The following LRFN2 variants were observed in gnomAD, a reference collection of about 807,000 sequenced individuals.
LRFN2 encodes leucine-rich repeat and fibronectin type-III domain-containing protein 2.
In LRFN2, 18 loss-of-function variants were observed where a neutral mutation model predicts 37.3. That is an observed-to-expected ratio of 0.48 (90% CI 0.33 to 0.72). LRFN2 has a LOEUF of 0.72. Ranked by LOEUF, LRFN2 falls within the 30% of genes least tolerant of loss-of-function variation. The pLI is 0.02. For synonymous variants in LRFN2, 556 were observed against 466.6 expected (o/e 1.19, Z -2.47); for missense variants, 1,006 against 1,060.7 (o/e 0.95, Z 0.72).
intron 1 of LRFN2, among the ~76,000 whole-genome samples, chr6:40,562,541 A>T (rs1198027836): frequency 6.6e-6 from 1 of 152,034 alleles, no homozygotes; most frequent in Non-Finnish European, 1.5e-5. Flanking sequence ...CCACCCAAAA[A>T]CTGGGCCATT....
Position 40,557,988 on chromosome 6 carries a change from G to A in LRFN2, c.-19+28953C>T, listed in dbSNP as rs148318391. 5.0e-3 allele frequency among the ~76,000 whole-genome samples: 758 copies of A among 152,296 alleles called. 6 individuals carry two copies. The highest frequency in any genetic ancestry group is 6.9e-3 in the Non-Finnish European group (470 of 68,030). On this transcript the variant is annotated intron_variant, in intron 1 of 2. Coordinates refer to ENST00000338305, the MANE Select transcript of LRFN2 (RefSeq NM_020737.3). Reference sequence around the variant, plus strand: ...ACCTGGTTTCTAAGTTTTGGGCAAGGATTCGCTTGTCCACTTGCCTGAAAG... The same window carrying A: ...ACCTGGTTTCTAAGTTTTGGGCAAGAATTCGCTTGTCCACTTGCCTGAAAG...
chr6:40,449,433 C>CA (rs1764051673), intron 1 of LRFN2, among the ~76,000 whole-genome samples: 1 of 152,212 alleles, frequency 6.6e-6, no homozygotes, highest in African/African-American at 2.4e-5. Context: ...TAGTTCTAAC[C>CA]AAAGGGTTGT....
intron 1 of LRFN2, among the ~76,000 whole-genome samples, chr6:40,536,468 G>A (rs1003181669): frequency 3.9e-5 from 6 of 152,216 alleles, no homozygotes; most frequent in Admixed American, 1.3e-4. Flanking sequence ...CAGAATGACA[G>A]CAAATGAAGG....
intron 1 of LRFN2, among the ~76,000 whole-genome samples, chr6:40,581,899 A>C (rs1364164968): frequency 6.6e-6 from 1 of 152,186 alleles, no homozygotes; most frequent in Non-Finnish European, 1.5e-5. Context: ...ATTATTCTGA[A>C]GTAGGAACCT....
At chr6:40,454,297 G>A (rs1170920381) in intron 1 of LRFN2, among the ~76,000 whole-genome samples, 1 of 152,166 alleles carries the variant, frequency 6.6e-6, no homozygotes, top group Non-Finnish European at 1.5e-5. Flanking sequence ...ATTCTTGAAA[G>A]ACAATTTGGA....
chr6:40,499,573 C>T (rs1167905555), intron 1 of LRFN2, among the ~76,000 whole-genome samples: 1 of 152,136 alleles, frequency 6.6e-6, no homozygotes, highest in African/African-American at 2.4e-5. Flanking sequence ...GGATTTAGGG[C>T]TTCGCAGGGC....
chr6:40,497,114 C>A (rs1050123771), intron 1 of LRFN2, among the ~76,000 whole-genome samples: 1 of 152,180 alleles, frequency 6.6e-6, no homozygotes, highest in Admixed American at 6.5e-5. Flanking sequence ...TTTATAGCAT[C>A]CCAAAGTGAC....
chr6:40,413,165 C>T (rs186548756), intron 2 of LRFN2, among the ~76,000 whole-genome samples: 18 of 152,290 alleles, frequency 1.2e-4, no homozygotes, highest in Admixed American at 8.5e-4. Flanking sequence ...AGTGATTTAC[C>T]GCTGCCTTTA....
At chr6:40,414,823 G>C (rs1364018300) in intron 2 of LRFN2, among the ~76,000 whole-genome samples, 1 of 152,130 alleles carries the variant, frequency 6.6e-6, no homozygotes, top group African/African-American at 2.4e-5. Flanking sequence ...CACGGCCCTG[G>C]GCCACTCTCT....
intron 1 of LRFN2, among the ~76,000 whole-genome samples, chr6:40,434,407 C>T (rs1763592093): frequency 6.6e-6 from 1 of 152,056 alleles, no homozygotes; most frequent in Admixed American, 6.5e-5. Flanking sequence ...TTGAGTTGGA[C>T]TTTTGGAAAA....
At chr6:40,561,901 C>A (rs909684356) in intron 1 of LRFN2, among the ~76,000 whole-genome samples, 1 of 152,070 alleles carries the variant, frequency 6.6e-6, no homozygotes, top group African/African-American at 2.4e-5. Flanking sequence ...CTAGGCATCT[C>A]CCCCTCCACC....
intron 1 of LRFN2, among the ~76,000 whole-genome samples, chr6:40,488,846 G>A (rs996297560): frequency 6.6e-6 from 1 of 152,134 alleles, no homozygotes. Flanking sequence ...GGGCAATAGG[G>A]TTAGAGGATG....
intron 2 of LRFN2, among the ~76,000 whole-genome samples, chr6:40,416,300 T>G (rs752053726): frequency 1.3e-5 from 2 of 152,186 alleles, no homozygotes; most frequent in South Asian, 4.1e-4. Context: ...TGAGCCACCA[T>G]GTCCGGCCAA....
intron 1 of LRFN2, among the ~76,000 whole-genome samples, chr6:40,515,510 T>A (rs529188787): frequency 6.6e-6 from 1 of 152,288 alleles, no homozygotes; most frequent in East Asian, 1.9e-4. Context: ...ATCCTTCACC[T>A]GAGGGCTTCT....
chr6:40,572,857 T>C (rs947026019), intron 1 of LRFN2, among the ~76,000 whole-genome samples: 1 of 152,154 alleles, frequency 6.6e-6, no homozygotes, highest in Non-Finnish European at 1.5e-5. Flanking sequence ...GGCATGTTCA[T>C]TCTGCAACAA....
chr6:40,556,541 G>A (rs1380886796), intron 1 of LRFN2, among the ~76,000 whole-genome samples: 2 of 152,144 alleles, frequency 1.3e-5, no homozygotes, highest in Non-Finnish European at 2.9e-5. Flanking sequence ...TTTGCCATTA[G>A]TCATTCTGGG....
At chr6:40,559,812 G>T (rs147917005) in intron 1 of LRFN2, among the ~76,000 whole-genome samples, 1 of 152,144 alleles carries the variant, frequency 6.6e-6, no homozygotes, top group Admixed American at 6.5e-5. Flanking sequence ...CATCCTGGAC[G>T]GGCTCCCCAG....
intron 1 of LRFN2, among the ~76,000 whole-genome samples, chr6:40,533,827 AG>A (rs1419186385): frequency 1.3e-5 from 2 of 152,200 alleles, no homozygotes; most frequent in African/African-American, 4.8e-5. Context: ...AAGAGAGGGA[AG>A]GTCTCTACCT....
At chr6:40,531,028 T>C (rs904614064) in intron 1 of LRFN2, among the ~76,000 whole-genome samples, 2 of 152,184 alleles carry the variant, frequency 1.3e-5, no homozygotes, top group African/African-American at 4.8e-5. Context: ...AGCATGCATA[T>C]TATAAGCTCA....
Sources: gnomAD v4.1 joint callset for allele counts (sites outside exome capture counted in the v4.1 genomes callset) on GRCh38, gnomAD v4.1.1 for gene constraint, MANE v1.5 for transcripts, NCBI Gene and HGNC (gene_info 2026-07-23, HGNC 2026-07-21) for gene names.